Variants in ASH2L observed in about 807,000 individuals in gnomAD.
ASH2L encodes the protein set1/Ash2 histone methyltransferase complex subunit ASH2.
ASH2L carries 30 observed loss-of-function variants against 81.1 expected under a neutral mutation model. The ratio of observed to expected loss-of-function variants is 0.37; its 90% confidence interval spans 0.28 to 0.50. ASH2L has a LOEUF of 0.50. Ranked by LOEUF, ASH2L falls within the 20% of genes least tolerant of loss-of-function variation. The probability of loss-of-function intolerance (pLI) is 0.95; values close to 1 mark genes in which losing one functional copy is unlikely to be tolerated. For synonymous variants in ASH2L, 273 were observed against 279.9 expected, an observed-to-expected ratio of 0.98 and a Z score of 0.24; for missense variants, 559 against 792.1, an observed-to-expected ratio of 0.71 and a Z score of 3.53.
At chr8:38,134,527 C>T (rs530874482) in intron 13 of ASH2L, among the ~76,000 whole-genome samples, 130 of 152,224 alleles carry the variant, frequency 8.5e-4, no homozygotes, top group Middle Eastern at 6.8e-3. Context: ...CCTCCACTTC[C>T]GGGGTTGCTG....
intron 5 of ASH2L, among the ~76,000 whole-genome samples, chr8:38,111,773 T>C (rs750237714): frequency 1.3e-5 from 2 of 152,230 alleles, no homozygotes; most frequent in Non-Finnish European, 2.9e-5. Flanking sequence ...TATATGAGGC[T>C]ACATTGTGGG....
intron 10 of ASH2L, among the ~76,000 whole-genome samples, chr8:38,126,378 A>G (rs1254481191): frequency 1.3e-5 from 2 of 152,172 alleles, no homozygotes; most frequent in Non-Finnish European, 2.9e-5. Context: ...TAGGATTAGA[A>G]CCTGGGCCAG....
rs1810826991 is a variant in ASH2L, at chr8:38,114,803, C to T, written c.682-102C>T. ...GAAAAACGATACTATCTTTTTTGGACACTGCACCTAGGAATTGACTTTTAG... is the reference window on the plus strand; with the variant it reads ...GAAAAACGATACTATCTTTTTTGGATACTGCACCTAGGAATTGACTTTTAG... On this transcript the variant is annotated intron_variant, in intron 6 of 15. Transcript: ENST00000343823. 10 of 718,490 alleles carry T rather than the reference C, an allele frequency of 1.4e-5. No homozygotes were observed. In the South Asian group the frequency reaches 1.7e-4, roughly 12 times the overall value. The allele number at this position is 718,490 out of a possible 1,614,324, so 44.5% of individuals were successfully genotyped here.
At chr8:38,105,787 TC>T (rs1399533991) in intron 1 of ASH2L, 49 bp downstream of exon 1, 1 of 1,495,050 alleles carries the variant, frequency 6.7e-7, no homozygotes, top group Non-Finnish European at 8.9e-7. Flanking sequence ...GGCCCGCCCC[TC>T]GCGAATCCCG....
At chr8:38,105,824 C>A in intron 1 of ASH2L, 86 bp downstream of exon 1, 2 of 1,460,398 alleles carry the variant, frequency 1.4e-6, no homozygotes, top group Non-Finnish European at 1.8e-6. Context: ...TGCCGCCCGC[C>A]CCCTGCGAAC....
In ASH2L at chr8:38,109,263, C is replaced by G. The variant is rs564939534; in HGVS notation, c.402-1116C>G. On this transcript the variant is annotated intron_variant, in intron 3 of 15. Coordinates refer to ENST00000343823, the MANE Select transcript of ASH2L (RefSeq NM_004674.5). ...GTTTTGTCTTTGTAAATAAGCTTATCACAATAGTCTGTTAAACAGAAGAGG... is the reference window on the plus strand; with the variant it reads ...GTTTTGTCTTTGTAAATAAGCTTATGACAATAGTCTGTTAAACAGAAGAGG... Among the ~76,000 whole-genome samples the G allele has an allele frequency of 3.3e-5, 5 of 152,262 alleles. No homozygotes were observed. The South Asian group carries it at 8.3e-4, about 25-fold the overall frequency.
intron 13 of ASH2L, 120 bp downstream of exon 13, chr8:38,133,666 C>A: frequency 2.7e-6 from 2 of 741,032 alleles, no homozygotes; most frequent in South Asian, 1.9e-5. Context: ...CTGGTAGCCC[C>A]ACTGGCCAGC....
intron 10 of ASH2L, 88 bp downstream of exon 10, chr8:38,121,237 T>G: frequency 1.6e-6 from 2 of 1,221,526 alleles, no homozygotes; most frequent in East Asian, 2.4e-5. Context: ...GGTGTACATC[T>G]CAGTCTGTTG....
intron 7 of ASH2L, among the ~76,000 whole-genome samples, chr8:38,115,239 A>G (rs1810848176): frequency 6.6e-6 from 1 of 151,966 alleles, no homozygotes; most frequent in Non-Finnish European, 1.5e-5. Flanking sequence ...TCTTCAAATC[A>G]CTTTTTTTTT....
At chr8:38,136,138 G>T (rs1319972360) in intron 14 of ASH2L, among the ~76,000 whole-genome samples, 2 of 112,204 alleles carry the variant, frequency 1.8e-5, no homozygotes, top group African/African-American at 7.1e-5. Flanking sequence ...TTGAGACAGT[G>T]TCTCACTCTG....
rs1254166420 is a variant in ASH2L, at chr8:38,107,133, G to A, written c.368G>A (p.Trp123Ter). 6.2e-7 allele frequency: 1 copy of A among 1,614,056 alleles called. No individual in the cohort carries two copies. The highest frequency in any genetic ancestry group is 1.3e-5 in the African/African-American group (1 of 74,916). The change falls in exon 3 of 16, where the codon TGG (tryptophan) becomes TAG (stop). Residue 123 changes from tryptophan to a stop codon, truncating the protein, a stop_gained. Coordinates refer to ENST00000343823, the MANE Select transcript of ASH2L (RefSeq NM_004674.5). LOFTEE classifies it high-confidence loss of function. ...CTGCAATGTGGGATTTGTACAAAAT[G>A]GTTCACGGCTGACACATTTGGCATA... is the stretch of plus-strand genomic sequence containing the variant. Reference protein sequence around the residue: ...VELQCGICTKWFTADTFGIDT... With the variant: ...VELQCGICTK
At chr8:38,132,183 C>G (rs890517555) in intron 12 of ASH2L, among the ~76,000 whole-genome samples, 1 of 152,104 alleles carries the variant, frequency 6.6e-6, no homozygotes, top group African/African-American at 2.4e-5. Context: ...CAATATATGC[C>G]TAGATTCTCT....
At chr8:38,108,449 A>C (rs1391621503) in intron 3 of ASH2L, among the ~76,000 whole-genome samples, 3 of 152,122 alleles carry the variant, frequency 2.0e-5, no homozygotes, top group African/African-American at 7.2e-5. Flanking sequence ...CTTTGGAGAC[A>C]ACAGTTTGTA....
intron 3 of ASH2L, among the ~76,000 whole-genome samples, chr8:38,108,943 G>C (rs953823353): frequency 7.5e-4 from 114 of 152,246 alleles, no homozygotes; most frequent in Non-Finnish European, 1.3e-4. Context: ...TTAGCTGGGC[G>C]TGGTGGTTCA....
intron 1 of ASH2L, 95 bp downstream of exon 1, chr8:38,105,833 A>C (rs1810398940): frequency 6.9e-7 from 1 of 1,449,436 alleles, no homozygotes; most frequent in African/African-American, 1.5e-5. Context: ...CCCCCTGCGA[A>C]CCCAGGCCCC....
intron 5 of ASH2L, among the ~76,000 whole-genome samples, chr8:38,112,355 C>T (rs1351826543): frequency 1.3e-5 from 2 of 151,644 alleles, no homozygotes; most frequent in Non-Finnish European, 1.5e-5. Context: ...TTTTTAAGTG[C>T]TTAGGCAGTT....
chr8:38,115,297 T>C (rs1334021485), intron 7 of ASH2L, among the ~76,000 whole-genome samples: 1 of 152,224 alleles, frequency 6.6e-6, no homozygotes, highest in Non-Finnish European at 1.5e-5. Flanking sequence ...TATTTCAAAT[T>C]ACTTCTAATC....
In ASH2L at chr8:38,121,123, G is replaced by A. The variant is rs1811124643; in HGVS notation, c.1139G>A (p.Arg380Gln). 9 of 1,613,258 alleles carry A rather than the reference G, an allele frequency of 5.6e-6. No individual in the cohort carries two copies. Among genetic ancestry groups the A allele is most frequent in the South Asian group, 1.1e-5 (1 of 91,028 alleles). ...CTCTACAGAGCCTGCTTGTATGAAC[G>A]GGTTTTGTTAGCCCTACATGATCGA... ...GDLYRACLYE[R>Q]VLLALHDRAP... Residue 380 changes from arginine to glutamine, a missense_variant, in exon 10 of 16, where the codon CGG becomes CAG. This residue lies in a region of ASH2L where 318 missense variants were observed against 527.0 expected (regional missense o/e 0.60). Coordinates refer to ENST00000343823, the MANE Select transcript of ASH2L (RefSeq NM_004674.5).
At chr8:38,127,994 C>T (rs1311876776) in intron 10 of ASH2L, among the ~76,000 whole-genome samples, 8 of 151,492 alleles carry the variant, frequency 5.3e-5, no homozygotes, top group African/African-American at 1.5e-4. Context: ...TGCAGTGAGC[C>T]GAGATTGCAC....
Sources: gnomAD v4.1 joint callset for allele counts (sites outside exome capture counted in the v4.1 genomes callset) on GRCh38, gnomAD v4.1.1 for gene constraint, gnomAD v4.1.1 regional missense constraint, MANE v1.5 for transcripts, NCBI Gene and HGNC (gene_info 2026-07-23, HGNC 2026-07-21) for gene names.